The following SLC61A1 variants were observed in gnomAD, a reference collection of about 807,000 sequenced individuals.
The protein encoded by SLC61A1 is solute carrier family 61 member 1.
chr12:53,251,883 A>C, the SLC61A1 span: 1 of 1,537,292 alleles, frequency 6.5e-7, no homozygotes, highest in East Asian at 2.4e-5. Flanking sequence ...GAAAATTGGC[A>C]CTTATTTCAG....
chr12:53,251,897 G>A, the SLC61A1 span: 1 of 1,537,296 alleles, frequency 6.5e-7, no homozygotes, highest in Admixed American at 2.0e-5. Flanking sequence ...ATTTCAGGGT[G>A]GCCCCTCAGG....
chr12:53,254,175 C>T, the SLC61A1 span: 1 of 1,613,668 alleles, frequency 6.2e-7, no homozygotes, highest in Non-Finnish European at 8.5e-7. Context: ...GAGCCCTATG[C>T]CCCTGAGCTG....
the SLC61A1 span, chr12:53,254,364 C>A: frequency 3.0e-6 from 2 of 664,666 alleles, no homozygotes; most frequent in Non-Finnish European, 5.1e-6. Flanking sequence ...AAAGTTCCCT[C>A]TGTGTTACTC....
At chr12:53,254,049 C>T in the SLC61A1 span, 1 of 1,614,078 alleles carries the variant, frequency 6.2e-7, no homozygotes, top group South Asian at 1.1e-5. Context: ...AAAACAGGCA[C>T]TCGGAATATG....
the SLC61A1 span, chr12:53,253,555 GCGCTGCCTCCT>G: frequency 3.1e-6 from 5 of 1,614,056 alleles, no homozygotes; most frequent in Non-Finnish European, 4.2e-6. Flanking sequence ...CTGGAGGCCT[GCGCTGCCTCCT>G]GTCGGACCGC....
chr12:53,253,847 G>A, the SLC61A1 span: 2 of 1,614,224 alleles, frequency 1.2e-6, no homozygotes, highest in Non-Finnish European at 1.7e-6. Flanking sequence ...CCCAGGCCAG[G>A]AGAGTCCGGT....
the SLC61A1 span, chr12:53,252,351 T>C: frequency 9.7e-6 from 13 of 1,337,904 alleles, no homozygotes; most frequent in Non-Finnish European, 1.1e-5. Flanking sequence ...GCCAGTGACC[T>C]GGAGGAGTGG....
the SLC61A1 span, chr12:53,254,246 G>T: frequency 1.3e-6 from 2 of 1,558,828 alleles, no homozygotes; most frequent in Non-Finnish European, 1.7e-6. Context: ...ATCCGGGATT[G>T]TACAGATCTC....
chr12:53,253,249 G>T, the SLC61A1 span: 1 of 1,614,224 alleles, frequency 6.2e-7, no homozygotes, highest in Non-Finnish European at 8.5e-7. Context: ...CACTTGGTGG[G>T]CTGTCCACAG....
the SLC61A1 span, chr12:53,253,666 C>CG: frequency 6.2e-7 from 1 of 1,614,082 alleles, no homozygotes; most frequent in Non-Finnish European, 8.5e-7. Flanking sequence ...TGGACCCACA[C>CG]GGGGCCCCTC....
At chr12:53,251,786 C>G in the SLC61A1 span, 1 of 1,537,246 alleles carries the variant, frequency 6.5e-7, no homozygotes, top group Middle Eastern at 1.7e-4. Context: ...TTCTCGGCTT[C>G]GGGCAGCGGT....
At chr12:53,252,152 TG>T in the SLC61A1 span, 1 of 1,437,314 alleles carries the variant, frequency 7.0e-7, no homozygotes, top group East Asian at 2.5e-5. Context: ...GGAAGCAGGC[TG>T]TGAGGGGCGG....
the SLC61A1 span, chr12:53,252,762 C>T: frequency 1.3e-6 from 2 of 1,572,324 alleles, no homozygotes; most frequent in African/African-American, 2.7e-5. Flanking sequence ...AAGACAGCCC[C>T]TTGACCGTGC....
At chr12:53,254,189 C>T in the SLC61A1 span, 1 of 1,612,664 alleles carries the variant, frequency 6.2e-7, no homozygotes, top group Non-Finnish European at 8.5e-7. Context: ...TGAGCTGTAA[C>T]CCCACTCCAG....
chr12:53,252,736 G>A, the SLC61A1 span: 11 of 1,467,636 alleles, frequency 7.5e-6, no homozygotes, highest in Admixed American at 6.5e-5. Flanking sequence ...GGGTTGGGTG[G>A]AGCTGCCATC....
the SLC61A1 span, chr12:53,251,853 G>A: frequency 1.3e-6 from 2 of 1,537,256 alleles, no homozygotes; most frequent in Non-Finnish European, 1.7e-6. Context: ...CATCTTTCCC[G>A]AGCACTGCAC....
At chr12:53,252,546 A>T in the SLC61A1 span, 60,406 of 1,376,550 alleles carry the variant, frequency 0.044, 1,449 homozygotes, top group Non-Finnish European at 0.049. Context: ...CGGGAGCGGG[A>T]TTATTGAAAG....
chr12:53,253,747 C>T, the SLC61A1 span: 1 of 1,614,136 alleles, frequency 6.2e-7, no homozygotes, highest in Non-Finnish European at 8.5e-7. Flanking sequence ...TCGCCACCTC[C>T]AAGAGGTACC....
At chr12:53,254,133 A>G in the SLC61A1 span, 2 of 1,614,170 alleles carry the variant, frequency 1.2e-6, no homozygotes, top group Non-Finnish European at 1.7e-6. Context: ...GTAAGGCATG[A>G]TGCTGAGCTG....
Sources: allele counts gnomAD v4.1 joint callset, GRCh38; gene constraint gnomAD v4.1.1; transcripts MANE v1.5; gene names NCBI Gene and HGNC (gene_info 2026-07-23, HGNC 2026-07-21).